The following TRIOBP variants were observed in gnomAD, a reference collection of about 807,000 sequenced individuals.
TRIOBP encodes TRIO and F-actin-binding protein.
TRIOBP carries 169 observed loss-of-function variants against 238.8 expected under a neutral mutation model. That is an observed-to-expected ratio of 0.71 (90% CI 0.62 to 0.80). TRIOBP has a LOEUF of 0.80. TRIOBP is among the 30% of genes least tolerant of loss of function. The pLI is 0.00. For missense variants in TRIOBP, 2,838 were observed against 3,122.6 expected, an observed-to-expected ratio of 0.91 and a Z score of 2.17; for synonymous variants, 1,150 against 1,274.4, an observed-to-expected ratio of 0.90 and a Z score of 2.08.
chr22:37,765,358 G>A (rs185938922), intron 17 of TRIOBP, among the ~76,000 whole-genome samples: 2 of 152,310 alleles, frequency 1.3e-5, no homozygotes, highest in East Asian at 3.9e-4. Flanking sequence ...TGAACGTGCT[G>A]CAACCGTAAC....
chr22:37,743,480 T>A (rs1025355253), intron 11 of TRIOBP, among the ~76,000 whole-genome samples: 1 of 152,194 alleles, frequency 6.6e-6, no homozygotes, highest in African/African-American at 2.4e-5. Context: ...TGTGGTTTCT[T>A]CATTGGTGCA....
At position 37,726,977 on chromosome 22, in the gene TRIOBP, G is replaced by T. The variant is rs182096930; in HGVS notation, c.3947+474G>T. On this transcript the variant is annotated intron_variant, in intron 7 of 23. Coordinates refer to ENST00000644935, the MANE Select transcript of TRIOBP (RefSeq NM_001039141.3). ...GCCGGAGCGCAATGGTGCAATCTCG[G>T]CTCACTGCAACCTCCACCTCCTGGG... Among the ~76,000 whole-genome samples, 281 of 151,772 alleles carry T rather than the reference G, an allele frequency of 1.9e-3. 2 individuals carry two copies. In the East Asian group the frequency reaches 0.025, roughly 13 times the overall value.
Position 37,772,742 on chromosome 22 carries a change from C to A in TRIOBP, c.7078C>A (p.Arg2360Ser), listed in dbSNP as rs371230470. The change falls in exon 23 of 24, where the codon CGC becomes AGC. Residue 2360 changes from arginine (R) to serine (S), a missense_variant. By Grantham distance (110) the Arg-to-Ser change is moderately radical (BLOSUM62 -1). Transcript: ENST00000644935. ...CGCCCTCCAGGAGAAGGAGTCGATG[C>A]GCAACAGCCTGGCTGAGTAGAGGTG... ...MAALQEKESM[R>S]NSLAE is the part of the protein sequence containing the mutation. 6 of 1,613,612 alleles carry A rather than the reference C, an allele frequency of 3.7e-6. No homozygotes were observed. The Admixed American group carries it at 1.0e-4, about 27-fold the overall frequency.
intron 5 of TRIOBP, among the ~76,000 whole-genome samples, chr22:37,715,257 C>T (rs1285611326): frequency 6.6e-6 from 1 of 152,124 alleles, no homozygotes. Flanking sequence ...TCAGGTGATC[C>T]ACCTGCCTCA....
chr22:37,759,147 CT>C lies in TRIOBP; in HGVS notation c.6214-6del. ...CAGGTCCCACTGACCACCCTTCTCC[CT>C]CGTAGGTTCAGGCTCTTCGGGCCCA... On this transcript the variant is annotated splice_region_variant and splice_polypyrimidine_tract_variant and intron_variant, in intron 16 of 23. Coordinates refer to ENST00000644935, the MANE Select transcript of TRIOBP (RefSeq NM_001039141.3). 4 of 1,607,768 alleles carry C rather than the reference CT, an allele frequency of 2.5e-6. No individual in the cohort carries two copies. The highest frequency in any genetic ancestry group is 3.4e-6 in the Non-Finnish European group (4 of 1,177,592).
intron 18 of TRIOBP, among the ~76,000 whole-genome samples, 180 bp from the exon 19 acceptor site, chr22:37,767,894 T>TA (rs1224329734): frequency 6.6e-6 from 1 of 152,196 alleles, no homozygotes; most frequent in Non-Finnish European, 1.5e-5. Flanking sequence ...TGGGCTACTC[T>TA]AGACTCCTGG....
rs767316702 is a variant in TRIOBP at position 37,725,757 on chromosome 22, C to G, written c.3201C>G (p.His1067Gln). The change falls in exon 7 of 24, where the codon CAC becomes CAG. Residue 1067 changes from histidine to glutamine, a missense_variant. His to Gln is a conservative substitution (Grantham distance 24). Around this residue, in one of 5 missense-constraint regions of TRIOBP, gnomAD observed 2,096 missense variants for 2,137.4 expected, o/e 0.98. Coordinates refer to ENST00000644935, the MANE Select transcript of TRIOBP (RefSeq NM_001039141.3). ...PYIPPAVCIGHRDAPRASSPP... is the reference protein window; with the variant it reads ...PYIPPAVCIGQRDAPRASSPP... ...TACCACCTGCTGTGTGCATTGGACA[C>G]CGAGATGCCCCCCGGGCGTCCTCGC... 1 of 1,612,262 alleles carries G rather than the reference C, an allele frequency of 6.2e-7. No homozygotes were observed. Among genetic ancestry groups the G allele is most frequent in the Admixed American group, 1.7e-5 (1 of 59,938 alleles).
chr22:37,747,475 GGGCTGCTGGGGGGCGT>G (rs1403360811), intron 11 of TRIOBP, among the ~76,000 whole-genome samples: 3 of 152,154 alleles, frequency 2.0e-5, no homozygotes, highest in Non-Finnish European at 4.4e-5. Flanking sequence ...GGGGCGGGCT[GGGCTGCTGGGGGGCGT>G]GGCACGCCTA....
intron 21 of TRIOBP, among the ~76,000 whole-genome samples, chr22:37,770,482 A>C (rs1368856602): frequency 3.3e-5 from 5 of 149,808 alleles, no homozygotes; most frequent in Admixed American, 2.7e-4. Flanking sequence ...AAAAAAAGCG[A>C]TTATCCTGCC....
intron 23 of TRIOBP, among the ~76,000 whole-genome samples, chr22:37,773,506 C>T (rs1926886259): frequency 1.3e-5 from 2 of 152,274 alleles, no homozygotes; most frequent in Admixed American, 6.5e-5. Context: ...AGGTGTGAGC[C>T]GCTGCACCTG....
At chr22:37,758,477 C>T (rs574976994) in intron 16 of TRIOBP, among the ~76,000 whole-genome samples, 1 of 152,196 alleles carries the variant, frequency 6.6e-6, no homozygotes, top group South Asian at 2.1e-4. Context: ...GAGTTTGAGA[C>T]CAGTCTGTGC....
At chr22:37,733,552 C>T (rs533850658) in intron 8 of TRIOBP, 140 bp downstream of exon 8, 3 of 677,790 alleles carry the variant, frequency 4.4e-6, no homozygotes, top group Non-Finnish European at 7.9e-6. Context: ...GGATCCAGCT[C>T]TCCCCTCTCC....
At chr22:37,717,615 G>A (rs1174540320) in intron 6 of TRIOBP, among the ~76,000 whole-genome samples, 1 of 152,180 alleles carries the variant, frequency 6.6e-6, no homozygotes, top group Admixed American at 6.5e-5. Flanking sequence ...TACAGAGTGT[G>A]GATTGGTGCA....
chr22:37,767,708 C>T (rs1244556516), intron 18 of TRIOBP, among the ~76,000 whole-genome samples: 1 of 152,104 alleles, frequency 6.6e-6, no homozygotes, highest in African/African-American at 2.4e-5. Flanking sequence ...TCAGAGTCTG[C>T]AGGGGGGGTG....
At position 37,733,324 on chromosome 22, in the gene TRIOBP, A is replaced by G; in HGVS notation, c.3974A>G (p.Gln1325Arg). 1 of 1,551,172 alleles carries G rather than the reference A, an allele frequency of 6.4e-7. No individual in the cohort carries two copies. The highest frequency in any genetic ancestry group is 1.4e-5 in the African/African-American group (1 of 73,188). The change falls in exon 8 of 24, where the codon CAG (glutamine) becomes CGG (arginine). Residue 1325 changes from glutamine (Q) to arginine (R), a missense_variant. Coordinates refer to ENST00000644935, the MANE Select transcript of TRIOBP (RefSeq NM_001039141.3). The stretch of plus-strand genomic sequence containing the variant: ...AAGTCCGAGGCAGCGGGGGCCTTCC[A>G]GGCCCAGGACGAGGGACGGTCACAG... ...RRKSEAAGAF[Q>R]AQDEGRSQQP... is the part of the protein sequence containing the mutation.
intron 18 of TRIOBP, among the ~76,000 whole-genome samples, chr22:37,766,842 TC>T (rs1926520626): frequency 1.3e-5 from 2 of 151,754 alleles, no homozygotes; most frequent in South Asian, 4.2e-4. Flanking sequence ...GCAGCTGCAA[TC>T]CCAGCTACTC....
At chr22:37,722,798 A>C (rs1006139) in intron 6 of TRIOBP, among the ~76,000 whole-genome samples, 82,469 of 152,086 alleles carry the variant, frequency 0.54, 23,095 homozygotes, top group East Asian at 0.69. Context: ...CTGGGAAGGG[A>C]AGACTGTCAG....
rs915239123 is a variant in TRIOBP at position 37,740,782 on chromosome 22, ACC to A, written c.5185-111_5185-110del. The stretch of plus-strand genomic sequence containing the variant: ...GTTCTGGGAGGAGAGAAAGATGGGA[ACC>A]CTGGGGCTCCATGGTGGGGGGCACC... On this transcript the variant is annotated intron_variant, in intron 10 of 23. Coordinates refer to ENST00000644935, the MANE Select transcript of TRIOBP (RefSeq NM_001039141.3). 8.7e-5 allele frequency: 128 copies of A among 1,463,616 alleles called. No homozygotes were observed. In the African/African-American group the frequency reaches 1.6e-3, roughly 19 times the overall value. The allele number at this position is 1,463,616 out of a possible 1,614,324, so 90.7% of individuals were successfully genotyped here.
intron 3 of TRIOBP, among the ~76,000 whole-genome samples, chr22:37,707,254 C>T (rs547918717): frequency 2.6e-5 from 4 of 151,892 alleles, no homozygotes; most frequent in Non-Finnish European, 4.4e-5. Context: ...CCAGCCTGGG[C>T]GACAAGAGCG....
Sources: gnomAD v4.1 joint callset for allele counts (sites outside exome capture counted in the v4.1 genomes callset) on GRCh38, gnomAD v4.1.1 for gene constraint, gnomAD v4.1.1 regional missense constraint, MANE v1.5 for transcripts, NCBI Gene and HGNC (gene_info 2026-07-23, HGNC 2026-07-21) for gene names.